Variants in FLNB observed in about 807,000 individuals in gnomAD.
FLNB encodes the protein filamin B.
A neutral mutation model predicts 250.6 loss-of-function variants in FLNB; 111 were observed. The ratio of observed to expected loss-of-function variants is 0.44; its 90% CI spans 0.38 to 0.52. The LOEUF (loss-of-function observed/expected upper bound fraction) is 0.52. Ranked by LOEUF, FLNB falls within the 20% of genes least tolerant of loss-of-function variation. The probability of loss-of-function intolerance (pLI) is 0.00; values close to 1 mark genes in which losing one functional copy is unlikely to be tolerated. For synonymous variants in FLNB, 1,302 were observed against 1,372.1 expected, an observed-to-expected ratio of 0.95 and a Z score of 1.13; for missense variants, 2,869 against 3,447.8, an observed-to-expected ratio of 0.83 and a Z score of 4.20.
rs1425771984 is a variant in FLNB at position 58,153,282 on chromosome 3, C to T, written c.6368-93C>T. 6.1e-6 allele frequency: 9 copies of T among 1,463,532 alleles called. No individual in the cohort carries two copies. In the Admixed American group the frequency reaches 1.2e-4, roughly 19 times the overall value. 90.7% of individuals were successfully genotyped at this position (1,463,532 alleles called of 1,614,324 possible). On this transcript the variant is annotated intron_variant, in intron 38 of 45. Coordinates refer to ENST00000295956, the MANE Select transcript of FLNB (RefSeq NM_001457.4). ...CCTCACGTCCACCGGGCTGCACACA[C>T]CTTGCTCTCGGCTGCTTGCCCTGCA...
intron 28 of FLNB, among the ~76,000 whole-genome samples, chr3:58,137,001 G>A (rs1575445686): frequency 6.6e-6 from 1 of 152,120 alleles, no homozygotes; most frequent in Non-Finnish European, 1.5e-5. Context: ...GATTACAGGT[G>A]TGAGCACCAC....
chr3:58,019,147 A>T (rs940896785), intron 1 of FLNB, among the ~76,000 whole-genome samples: 1 of 151,976 alleles, frequency 6.6e-6, no homozygotes, highest in Non-Finnish European at 1.5e-5. Flanking sequence ...AAAACAAAGA[A>T]ATTGCTATTG....
chr3:58,112,458 C>T, intron 18 of FLNB, 140 bp downstream of exon 18: 1 of 814,970 alleles, frequency 1.2e-6, no homozygotes, highest in East Asian at 2.6e-5. Flanking sequence ...GCTCCTGGCA[C>T]TTTGAACCCC....
rs1378787627 is a variant in FLNB at position 58,168,645 on chromosome 3, G to A, written c.7404G>A (p.Lys2468=). The part of the protein sequence containing the change: ...GPNHIVGSPF[K]AKVTGQRLVS... The stretch of plus-strand genomic sequence containing the variant: ...ACCACATCGTGGGCAGTCCCTTCAA[G>A]GCCAAGGTGACAGGTAACGAACAAC... The change falls in exon 44 of 46, where the codon AAG becomes AAA. Residue 2468 remains lysine (K), a synonymous_variant. Transcript: ENST00000295956. 2.5e-6 allele frequency: 4 copies of A among 1,613,402 alleles called. No homozygotes were observed. Among genetic ancestry groups the A allele is most frequent in the African/African-American group, 2.7e-5 (2 of 74,918 alleles).
chr3:58,097,728 G>T, intron 6 of FLNB, 87 bp from the exon 7 acceptor site: 1 of 1,295,564 alleles, frequency 7.7e-7, no homozygotes. Flanking sequence ...GGGTAGGAGA[G>T]GTGATCATCA....
At chr3:58,074,135 A>G (rs2097198521) in intron 1 of FLNB, among the ~76,000 whole-genome samples, 1 of 152,262 alleles carries the variant, frequency 6.6e-6, no homozygotes, top group Non-Finnish European at 1.5e-5. Context: ...GACAAACAGA[A>G]TATGGAATGA....
chr3:58,026,922 G>A (rs948101447), intron 1 of FLNB, among the ~76,000 whole-genome samples: 9 of 152,110 alleles, frequency 5.9e-5, no homozygotes, highest in Admixed American at 5.9e-4. Context: ...GAAGAAATTC[G>A]TCAGCCTGGG....
At chr3:58,170,061 C>T (rs568414879) in intron 45 of FLNB, among the ~76,000 whole-genome samples, 5 of 152,334 alleles carry the variant, frequency 3.3e-5, no homozygotes, top group African/African-American at 1.2e-4. Context: ...GGGCTGGAAA[C>T]CTAGTACCGC....
chr3:58,008,470 C>T lies in FLNB; in HGVS notation c.-95C>T, dbSNP rs528555050. On this transcript the variant is annotated 5_prime_UTR_variant, in exon 1 of 46. Transcript: ENST00000295956. ...GGTAGCAGCAAGTTCGAACCCCGCT[C>T]CCGCTCCGCTTCGGTTCTCGCTCCT... 1 of 1,436,968 alleles carries T rather than the reference C, an allele frequency of 7.0e-7. No homozygotes were observed. The highest frequency in any genetic ancestry group is 2.0e-5 in the Admixed American group (1 of 50,846). The allele number at this position is 1,436,968 out of a possible 1,614,324, so 89.0% of individuals were successfully genotyped here. A position where few individuals can be genotyped will look rare whatever the true frequency, so the allele number is the denominator to read the frequency against.
At chr3:58,072,167 T>C (rs1287225594) in intron 1 of FLNB, among the ~76,000 whole-genome samples, 1 of 152,172 alleles carries the variant, frequency 6.6e-6, no homozygotes, top group Non-Finnish European at 1.5e-5. Flanking sequence ...TTTAAGTAGT[T>C]CGAGAAAATG....
chr3:58,008,586 C>G lies in FLNB; in HGVS notation c.22C>G (p.Leu8Val). The G allele has an allele frequency of 6.2e-7, 1 of 1,604,594 alleles. No homozygotes were observed. Among genetic ancestry groups the G allele is most frequent in the Non-Finnish European group, 8.5e-7 (1 of 1,176,226 alleles). Residue 8 changes from leucine (L) to valine (V), a missense_variant, in exon 1 of 46, where the codon CTA (leucine) becomes GTA (valine). Around this residue, in one of 5 missense-constraint regions of FLNB, gnomAD observed 308 missense variants for 466.1 expected, o/e 0.66. Transcript: ENST00000295956. MPVTEKD[L>V]AEDAPWKKIQ... ...CAGGATGCCGGTAACCGAGAAGGAT[C>G]TAGCTGAGGACGCGCCTTGGAAGAA...
chr3:58,130,256 C>T (rs1399566520), intron 24 of FLNB, among the ~76,000 whole-genome samples: 2 of 152,174 alleles, frequency 1.3e-5, no homozygotes, highest in East Asian at 3.9e-4. Flanking sequence ...CCTTCAGTTG[C>T]TCCAGCAGCC....
intron 1 of FLNB, among the ~76,000 whole-genome samples, chr3:58,065,543 C>T (rs562602298): frequency 6.6e-6 from 1 of 152,366 alleles, no homozygotes; most frequent in South Asian, 2.1e-4. Flanking sequence ...AAGCCACCCT[C>T]ACAGGGTCAT....
intron 1 of FLNB, among the ~76,000 whole-genome samples, chr3:58,016,253 C>A (rs1160233319): frequency 6.6e-6 from 1 of 151,888 alleles, no homozygotes; most frequent in Non-Finnish European, 1.5e-5. Flanking sequence ...TGGTGTTTCA[C>A]CATGTTGGTC....
chr3:58,159,967 G>T (rs1305859911), intron 42 of FLNB, among the ~76,000 whole-genome samples: 2 of 151,958 alleles, frequency 1.3e-5, no homozygotes, highest in Non-Finnish European at 2.9e-5. Context: ...AGGCTGCAGT[G>T]AGCTATGATG....
At chr3:58,040,440 T>A (rs1387040735) in intron 1 of FLNB, among the ~76,000 whole-genome samples, 1 of 152,198 alleles carries the variant, frequency 6.6e-6, no homozygotes, top group Non-Finnish European at 1.5e-5. Flanking sequence ...CTGCAAGTCC[T>A]CATGGGAGTG....
At chr3:58,126,484 ATT>A in intron 23 of FLNB, 116 bp from the exon 24 acceptor site, 5 of 878,768 alleles carry the variant, frequency 5.7e-6, no homozygotes, top group Non-Finnish European at 9.4e-6. Context: ...AGGTGTAGTA[ATT>A]GAGTTGGGGT....
At chr3:58,103,265 G>GGGGTGT (rs1553696877) in intron 9 of FLNB, among the ~76,000 whole-genome samples, 1 of 148,064 alleles carries the variant, frequency 6.8e-6, no homozygotes, top group African/African-American at 2.5e-5. Context: ...AGCCAAGGAG[G>GGGGTGT]GTGTGTGTGT....
chr3:58,109,440 C>G, intron 14 of FLNB, 118 bp downstream of exon 14: 1 of 1,590,582 alleles, frequency 6.3e-7, no homozygotes, highest in South Asian at 1.1e-5. Flanking sequence ...CCTGGTGGGC[C>G]TTGAATGATG....
Sources: gnomAD v4.1 joint callset for allele counts (sites outside exome capture counted in the v4.1 genomes callset) on GRCh38, gnomAD v4.1.1 for gene constraint, gnomAD v4.1.1 regional missense constraint, MANE v1.5 for transcripts, NCBI Gene and HGNC (gene_info 2026-07-23, HGNC 2026-07-21) for gene names.